Variants in GCNT2 observed in about 807,000 individuals in gnomAD.
GCNT2 encodes N-acetyllactosaminide beta-1,6-N-acetylglucosaminyl-transferase.
In GCNT2, 34 loss-of-function variants were observed where a neutral mutation model predicts 34.2. That is an observed-to-expected ratio of 1.00 (90% CI 0.76 to 1.32). GCNT2 has a LOEUF of 1.32. Ranked by LOEUF, GCNT2 falls within the 40% of genes most tolerant of loss-of-function variation. The pLI is 0.00. For missense variants in GCNT2, 584 were observed against 489.4 expected, an observed-to-expected ratio of 1.19 and a Z score of -1.82; for synonymous variants, 212 against 188.0, an observed-to-expected ratio of 1.13 and a Z score of -1.04.
rs748961646 is a variant in GCNT2 at position 10,529,439 on chromosome 6, C to T, written c.528C>T (p.Asp176=). Residue 176 remains aspartate (D), a synonymous_variant, in exon 3 of 5, where the codon GAC becomes GAT. Coordinates refer to ENST00000495262, the MANE Select transcript of GCNT2 (RefSeq NM_145649.5). ...RLQADLNCLE[D]LVASEVPWKY... is the part of the protein sequence containing the mutation. ...AGGCTGACCTGAACTGCCTGGAAGA[C>T]CTTGTGGCCTCTGAAGTTCCCTGGA... 6.8e-6 allele frequency: 11 copies of T among 1,614,022 alleles called. No individual in the cohort carries two copies. Among genetic ancestry groups the T allele is most frequent in the Admixed American group, 3.3e-5 (2 of 59,998 alleles).
At chr6:10,606,205 C>T (rs941168346) in intron 3 of GCNT2, among the ~76,000 whole-genome samples, 2 of 152,202 alleles carry the variant, frequency 1.3e-5, no homozygotes, top group African/African-American at 4.8e-5. Context: ...ATCCCGACTA[C>T]TCGGGAGGCT....
At chr6:10,555,894 C>T in intron 3 of GCNT2, 1 of 996,852 alleles carries the variant, frequency 1.0e-6, no homozygotes. Context: ...GCTGAGAGGC[C>T]AGGCTGTGGA....
At chr6:10,594,050 A>G (rs1764750771) in intron 3 of GCNT2, among the ~76,000 whole-genome samples, 1 of 152,250 alleles carries the variant, frequency 6.6e-6, no homozygotes, top group Non-Finnish European at 1.5e-5. Context: ...AAGCTAATGC[A>G]TATAGTACAG....
intron 3 of GCNT2, among the ~76,000 whole-genome samples, chr6:10,535,059 C>G (rs966449969): frequency 2.0e-5 from 3 of 152,126 alleles, no homozygotes; most frequent in African/African-American, 7.2e-5. Flanking sequence ...TGGTGCATGC[C>G]TGTAACCCCA....
intron 3 of GCNT2, among the ~76,000 whole-genome samples, chr6:10,537,446 A>G (rs554375295): frequency 6.6e-6 from 1 of 152,246 alleles, no homozygotes; most frequent in Non-Finnish European, 1.5e-5. Flanking sequence ...AACGCCTGTA[A>G]TCCCAGCACT....
chr6:10,615,001 G>T (rs1471259662), intron 3 of GCNT2, among the ~76,000 whole-genome samples: 1 of 152,188 alleles, frequency 6.6e-6, no homozygotes, highest in Non-Finnish European at 1.5e-5. Flanking sequence ...CCGTTAAAAT[G>T]CATATATTCC....
At chr6:10,626,217 A>G (rs1277181786) in intron 4 of GCNT2, among the ~76,000 whole-genome samples, 200 bp from the exon 5 acceptor site, 1 of 152,160 alleles carries the variant, frequency 6.6e-6, no homozygotes, top group African/African-American at 2.4e-5. Flanking sequence ...TTTTTTTCAA[A>G]TAACATATTT....
intron 3 of GCNT2, among the ~76,000 whole-genome samples, chr6:10,544,596 T>TC (rs1357529677): frequency 1.3e-5 from 2 of 150,456 alleles, no homozygotes; most frequent in Non-Finnish European, 2.9e-5. Flanking sequence ...AGAGCAAGAC[T>TC]CCATCTCAAA....
intron 3 of GCNT2, chr6:10,530,225 C>T (rs935600322): frequency 1.6e-5 from 3 of 189,770 alleles, no homozygotes; most frequent in African/African-American, 4.8e-5. Context: ...ATTAGCCAGG[C>T]GTGGTGGTGC....
chr6:10,550,490 AATT>A (rs533906870), intron 3 of GCNT2, among the ~76,000 whole-genome samples: 16 of 151,760 alleles, frequency 1.1e-4, no homozygotes, highest in Non-Finnish European at 2.1e-4. Context: ...CCAAAATGCA[AATT>A]ATTATTATTA....
intron 3 of GCNT2, chr6:10,586,621 A>C: frequency 1.2e-6 from 2 of 1,614,228 alleles, no homozygotes; most frequent in Non-Finnish European, 1.7e-6. Flanking sequence ...AAAGGATTTA[A>C]AGGGAAAAAT....
rs1041649859 is a variant in GCNT2, at chr6:10,528,873, T to G, written c.-39T>G. ...TAAATATATCTACACTCTGATCCTA[T>G]CTCAAGAGAGAGATATTTTACTCAT... On this transcript the variant is annotated 5_prime_UTR_variant, in exon 3 of 5. Transcript: ENST00000495262. 4.1e-6 allele frequency: 6 copies of G among 1,470,980 alleles called. No homozygotes were observed. Among genetic ancestry groups the G allele is most frequent in the East Asian group, 2.3e-5 (1 of 44,210 alleles). The allele number at this position is 1,470,980 out of a possible 1,614,324, so 91.1% of individuals were successfully genotyped here.
intron 3 of GCNT2, among the ~76,000 whole-genome samples, chr6:10,530,626 T>C (rs1761441261): frequency 6.7e-6 from 1 of 150,194 alleles, no homozygotes; most frequent in East Asian, 2.0e-4. Context: ...ATCCCAGCGC[T>C]TTGGAAGGCT....
At chr6:10,546,715 CAG>C (rs1350110377) in intron 3 of GCNT2, among the ~76,000 whole-genome samples, 2 of 152,068 alleles carry the variant, frequency 1.3e-5, no homozygotes, top group South Asian at 2.1e-4. Flanking sequence ...TTAAAGATCT[CAG>C]TGAGTTTTCA....
Position 10,582,449 on chromosome 6 carries a change from A to ACT in GCNT2, c.926-38902_926-38901insCT, listed in dbSNP as rs1764154602. ...TACTATAATTTAATATTTATTATAT[A>ACT]ATATATATAATAAATATAATATATA... On this transcript the variant is annotated intron_variant, in intron 3 of 4. Transcript: ENST00000495262. Among the ~76,000 whole-genome samples the ACT allele has an allele frequency of 9.6e-5, 12 of 125,428 alleles. No individual in the cohort carries two copies. The South Asian group carries it at 2.0e-3, about 21-fold the overall frequency. The allele number at this position is 125,428 out of a possible 152,430, so 82.3% of individuals were successfully genotyped here.
intron 3 of GCNT2, among the ~76,000 whole-genome samples, chr6:10,534,932 C>T (rs1761689732): frequency 1.3e-5 from 2 of 152,062 alleles, no homozygotes; most frequent in African/African-American, 4.8e-5. Context: ...GCCTGTAATC[C>T]CAGCTCTTTG....
chr6:10,601,500 T>C (rs1397844439), intron 3 of GCNT2, among the ~76,000 whole-genome samples: 3 of 152,198 alleles, frequency 2.0e-5, no homozygotes, highest in Non-Finnish European at 4.4e-5. Context: ...CCAGTATGGT[T>C]TCTTATCAGA....
In GCNT2 at chr6:10,628,516, C is replaced by G. The variant is rs890763206; in HGVS notation, c.*1909C>G. 2.0e-5 allele frequency: 3 copies of G among 152,220 alleles called. No homozygotes were observed. Among genetic ancestry groups the G allele is most frequent in the African/African-American group, 7.2e-5 (3 of 41,464 alleles). 9.4% of individuals were successfully genotyped at this position (152,220 alleles called of 1,614,324 possible). Reference sequence around the variant, plus strand: ...GAAGGCCACATGTGAAAACCTGTCACTTGCACAGAGGCCAGTCCCACTAAG... The same window carrying G: ...GAAGGCCACATGTGAAAACCTGTCAGTTGCACAGAGGCCAGTCCCACTAAG... On this transcript the variant is annotated 3_prime_UTR_variant, in exon 5 of 5. Coordinates refer to ENST00000495262, the MANE Select transcript of GCNT2 (RefSeq NM_145649.5).
At chr6:10,618,929 C>G (rs1221922205) in intron 3 of GCNT2, among the ~76,000 whole-genome samples, 3 of 152,150 alleles carry the variant, frequency 2.0e-5, no homozygotes, top group South Asian at 4.1e-4. Flanking sequence ...GGATTTAAGA[C>G]TCATGCTGTT....
Sources: allele counts gnomAD v4.1 joint callset (sites outside exome capture counted in the v4.1 genomes callset), GRCh38; gene constraint gnomAD v4.1.1; transcripts MANE v1.5; gene names NCBI Gene and HGNC (gene_info 2026-07-23, HGNC 2026-07-21).